The following PRKCE variants were observed in gnomAD, a reference collection of about 807,000 sequenced individuals.
The protein encoded by PRKCE is protein kinase C epsilon, also known as protein kinase C epsilon type.
In PRKCE, 16 loss-of-function variants were observed where a neutral mutation model predicts 85.4. The ratio of observed to expected loss-of-function variants is 0.19; its 90% CI spans 0.13 to 0.28. The LOEUF (loss-of-function observed/expected upper bound fraction) is 0.28. PRKCE is among the 10% of genes least tolerant of loss of function. The pLI is 1.00. For synonymous variants in PRKCE, 388 were observed against 371.5 expected (o/e 1.04, Z -0.51); for missense variants, 573 against 975.2 (o/e 0.59, Z 5.49).
In PRKCE at chr2:45,946,871, CTG is replaced by C. The variant is rs142077417; in HGVS notation, c.413-29555_413-29554del. ...CCTTAGAGGGGTCAACTCCTATTAA[CTG>C]TGCATATGTAAAGTCTCCTTGGGTG... is the stretch of plus-strand genomic sequence containing the variant. On this transcript the variant is annotated intron_variant, in intron 2 of 14. Coordinates refer to ENST00000306156, the MANE Select transcript of PRKCE (RefSeq NM_005400.3). 2.0e-3 allele frequency among the ~76,000 whole-genome samples: 300 copies of C among 152,372 alleles called. 3 individuals are homozygous for C. Among genetic ancestry groups the C allele is most frequent in the African/African-American group, 6.8e-3 (282 of 41,582 alleles).
At chr2:45,887,696 T>C (rs1284733257) in intron 2 of PRKCE, among the ~76,000 whole-genome samples, 1 of 152,194 alleles carries the variant, frequency 6.6e-6, no homozygotes, top group Non-Finnish European at 1.5e-5. Flanking sequence ...CTGCAAATGA[T>C]GTCCTGGTCC....
intron 1 of PRKCE, among the ~76,000 whole-genome samples, chr2:45,732,449 T>C (rs1261626708): frequency 6.6e-6 from 1 of 152,244 alleles, no homozygotes; most frequent in Non-Finnish European, 1.5e-5. Flanking sequence ...ACAGTATTAT[T>C]GGTCATTACC....
intron 2 of PRKCE, among the ~76,000 whole-genome samples, chr2:45,946,113 AC>A (rs1700225564): frequency 6.6e-6 from 1 of 152,260 alleles, no homozygotes. Context: ...TTGGCCAGAT[AC>A]CAACCAAGGT....
At chr2:45,768,893 T>C (rs1685109165) in intron 1 of PRKCE, among the ~76,000 whole-genome samples, 1 of 152,240 alleles carries the variant, frequency 6.6e-6, no homozygotes, top group African/African-American at 2.4e-5. Context: ...CAGAACTCAA[T>C]GGACAACTTC....
At chr2:45,820,894 C>G (rs999583956) in intron 1 of PRKCE, among the ~76,000 whole-genome samples, 8 of 149,868 alleles carry the variant, frequency 5.3e-5, no homozygotes, top group Admixed American at 4.6e-4. Context: ...CCACCCCCTT[C>G]CCACCCCCCA....
At chr2:45,842,369 C>T (rs1573571928) in intron 1 of PRKCE, among the ~76,000 whole-genome samples, 1 of 152,164 alleles carries the variant, frequency 6.6e-6, no homozygotes, top group Admixed American at 6.5e-5. Context: ...AAGCTGGATT[C>T]AGCATTGTTC....
chr2:45,863,806 A>G (rs1693363004), intron 2 of PRKCE, among the ~76,000 whole-genome samples: 1 of 151,760 alleles, frequency 6.6e-6, no homozygotes, highest in Non-Finnish European at 1.5e-5. Context: ...CTGGGTGTGT[A>G]GGAGATGAGC....
chr2:45,752,258 C>T (rs148504370), intron 1 of PRKCE, among the ~76,000 whole-genome samples: 2 of 152,276 alleles, frequency 1.3e-5, no homozygotes, highest in African/African-American at 4.8e-5. Context: ...TTATCGTTAT[C>T]CCCATTTTAC....
chr2:46,174,696 T>A (rs1332484587), intron 14 of PRKCE, among the ~76,000 whole-genome samples: 1 of 152,118 alleles, frequency 6.6e-6, no homozygotes, highest in African/African-American at 2.4e-5. Flanking sequence ...TGATGCTTTT[T>A]AATTTTTTTT....
intron 1 of PRKCE, among the ~76,000 whole-genome samples, chr2:45,767,066 G>A (rs1239937972): frequency 2.6e-5 from 4 of 151,764 alleles, no homozygotes; most frequent in African/African-American, 9.7e-5. Context: ...GTAACTTCCT[G>A]TGGGCAAATT....
intron 1 of PRKCE, among the ~76,000 whole-genome samples, chr2:45,756,158 T>C (rs1286312763): frequency 6.6e-6 from 1 of 152,166 alleles, no homozygotes; most frequent in Admixed American, 6.5e-5. Flanking sequence ...GTGAGACTGA[T>C]GGGGATGAGT....
At chr2:45,927,537 G>A (rs547281857) in intron 2 of PRKCE, among the ~76,000 whole-genome samples, 3 of 152,254 alleles carry the variant, frequency 2.0e-5, no homozygotes, top group African/African-American at 7.2e-5. Flanking sequence ...ACTGCCTACC[G>A]TGCCCCAGGA....
intron 1 of PRKCE, among the ~76,000 whole-genome samples, chr2:45,836,043 G>T (rs1206665735): frequency 6.6e-6 from 1 of 152,160 alleles, no homozygotes; most frequent in Admixed American, 6.5e-5. Flanking sequence ...ATAGTAGATG[G>T]CTTCCCCAGT....
intron 1 of PRKCE, chr2:45,701,344 T>C (rs1558571783): frequency 6.6e-6 from 1 of 152,172 alleles, no homozygotes; most frequent in African/African-American, 2.4e-5. Flanking sequence ...ATCTATCTAT[T>C]GATTGATCCA....
intron 2 of PRKCE, among the ~76,000 whole-genome samples, chr2:45,845,194 C>A (rs1691681011): frequency 6.6e-6 from 1 of 151,534 alleles, no homozygotes; most frequent in Admixed American, 6.6e-5. Context: ...TTCTCCCAGT[C>A]CTGTTGCTGG....
chr2:45,738,511 T>C (rs1366918775), intron 1 of PRKCE, among the ~76,000 whole-genome samples: 1 of 151,740 alleles, frequency 6.6e-6, no homozygotes, highest in Non-Finnish European at 1.5e-5. Flanking sequence ...TTTTCTGATT[T>C]TTGCAACCAG....
chr2:46,033,809 C>A (rs1401022762), intron 10 of PRKCE, among the ~76,000 whole-genome samples: 1 of 152,136 alleles, frequency 6.6e-6, no homozygotes, highest in Admixed American at 6.5e-5. Flanking sequence ...GTCAGGGCAA[C>A]TGGGCATGGG....
At chr2:46,020,183 G>A (rs1172696306) in intron 10 of PRKCE, among the ~76,000 whole-genome samples, 4 of 151,984 alleles carry the variant, frequency 2.6e-5, no homozygotes, top group African/African-American at 7.3e-5. Context: ...TTTTGTGGAG[G>A]TGCCTCTGTT....
At chr2:45,984,497 C>G (rs950680092) in intron 5 of PRKCE, 54 bp from the exon 6 acceptor site, 8 of 1,582,030 alleles carry the variant, frequency 5.1e-6, no homozygotes, top group African/African-American at 1.3e-5. Flanking sequence ...GTTGACAAGT[C>G]TTCTGGGGAA....
Sources: allele counts gnomAD v4.1 joint callset (sites outside exome capture counted in the v4.1 genomes callset), GRCh38; gene constraint gnomAD v4.1.1; transcripts MANE v1.5; gene names NCBI Gene and HGNC (gene_info 2026-07-23, HGNC 2026-07-21).